Variants in TUT4 observed in about 807,000 individuals in gnomAD.
The protein encoded by TUT4 is terminal uridylyltransferase 4.
TUT4 carries 36 observed loss-of-function variants against 192.2 expected under a neutral mutation model. The ratio of observed to expected loss-of-function variants is 0.19; its 90% CI spans 0.14 to 0.25. The LOEUF (loss-of-function observed/expected upper bound fraction) is 0.25. Ranked by LOEUF, TUT4 falls within the 10% of genes least tolerant of loss-of-function variation. The pLI is 1.00. For missense variants in TUT4, 1,493 were observed against 1,957.2 expected (o/e 0.76, Z 4.47); for synonymous variants, 618 against 666.0 (o/e 0.93, Z 1.11).
intron 28 of TUT4, among the ~76,000 whole-genome samples, chr1:52,429,292 A>T (rs1428249090): frequency 6.6e-6 from 1 of 151,444 alleles, no homozygotes; most frequent in Non-Finnish European, 1.5e-5. Flanking sequence ...TCACCGTGTT[A>T]GCCAGGATGT....
chr1:52,476,031 G>A (rs1005699690), intron 12 of TUT4, among the ~76,000 whole-genome samples: 8 of 152,086 alleles, frequency 5.3e-5, no homozygotes, highest in African/African-American at 1.9e-4. Context: ...TTTTAGTAGA[G>A]ATGGAGTTTC....
chr1:52,538,290 C>T (rs112516309), intron 1 of TUT4, among the ~76,000 whole-genome samples: 3 of 152,024 alleles, frequency 2.0e-5, no homozygotes, highest in Admixed American at 1.3e-4. Context: ...CTCTATCCAA[C>T]ATCAGCAGAA....
At chr1:52,512,720 A>T (rs1677532928) in intron 3 of TUT4, among the ~76,000 whole-genome samples, 1 of 152,356 alleles carries the variant, frequency 6.6e-6, no homozygotes, top group East Asian at 1.9e-4. Context: ...AAGCTAGAAC[A>T]AAGATTTCTG....
At chr1:52,550,493 T>C (rs952482496) in intron 1 of TUT4, among the ~76,000 whole-genome samples, 3 of 148,730 alleles carry the variant, frequency 2.0e-5, no homozygotes, top group African/African-American at 2.5e-5. Context: ...CAGGTAAGTA[T>C]TGCTTTTTTT....
chr1:52,476,157 T>C (rs1452883563), intron 12 of TUT4, among the ~76,000 whole-genome samples: 1 of 152,042 alleles, frequency 6.6e-6, no homozygotes, highest in African/African-American at 2.4e-5. Flanking sequence ...CAGTGTTTTT[T>C]AATATAGTTA....
intron 4 of TUT4, among the ~76,000 whole-genome samples, chr1:52,507,082 G>T (rs1675801245): frequency 6.6e-6 from 1 of 152,174 alleles, no homozygotes; most frequent in African/African-American, 2.4e-5. Context: ...TGAAGCACGA[G>T]GCTTTCCAGT....
intron 14 of TUT4, among the ~76,000 whole-genome samples, chr1:52,470,087 T>C (rs1329702882): frequency 6.6e-6 from 1 of 152,028 alleles, no homozygotes; most frequent in Non-Finnish European, 1.5e-5. Flanking sequence ...CCACAGCTCC[T>C]TGGACAAATG....
chr1:52,486,914 A>T (rs937946704), intron 9 of TUT4, among the ~76,000 whole-genome samples: 2 of 152,216 alleles, frequency 1.3e-5, no homozygotes, highest in African/African-American at 4.8e-5. Context: ...CAGACTACTT[A>T]TTTTACTGAG....
chr1:52,538,092 C>T (rs531078838), intron 1 of TUT4, among the ~76,000 whole-genome samples: 2 of 151,932 alleles, frequency 1.3e-5, no homozygotes, highest in Admixed American at 6.6e-5. Flanking sequence ...AAAAATTAGC[C>T]GGGTGTGGTG....
At chr1:52,506,657 A>G (rs887710531) in intron 4 of TUT4, among the ~76,000 whole-genome samples, 3 of 152,078 alleles carry the variant, frequency 2.0e-5, no homozygotes, top group Admixed American at 6.5e-5. Flanking sequence ...AGTCCTGTTC[A>G]TATCTTTTTT....
chr1:52,502,300 C>CA (rs1674359636), intron 4 of TUT4, among the ~76,000 whole-genome samples: 1 of 152,150 alleles, frequency 6.6e-6, no homozygotes, highest in Non-Finnish European at 1.5e-5. Flanking sequence ...CACATTTAAA[C>CA]AGTCACCAGT....
intron 24 of TUT4, among the ~76,000 whole-genome samples, chr1:52,440,815 A>G (rs981158029): frequency 3.3e-5 from 5 of 152,196 alleles, no homozygotes; most frequent in Non-Finnish European, 7.3e-5. Context: ...TAATGAGAGA[A>G]AGCAAATTTC....
intron 27 of TUT4, chr1:52,434,931 C>T (rs368485307): frequency 6.6e-6 from 1 of 152,520 alleles, no homozygotes; most frequent in South Asian, 2.1e-4. Flanking sequence ...TAGGTATCCA[C>T]AGGTCAAGCT....
At chr1:52,435,567 T>C in intron 26 of TUT4, 102 bp from the exon 27 acceptor site, 1 of 866,496 alleles carries the variant, frequency 1.2e-6, no homozygotes, top group Non-Finnish European at 1.8e-6. Flanking sequence ...CAAATATCTC[T>C]GCAATTTTAT....
At chr1:52,481,248 G>A (rs1288950875) in intron 11 of TUT4, among the ~76,000 whole-genome samples, 175 bp downstream of exon 11, 2 of 152,114 alleles carry the variant, frequency 1.3e-5, no homozygotes, top group African/African-American at 4.8e-5. Flanking sequence ...AAATTCATTA[G>A]AGAATCTTGG....
intron 2 of TUT4, among the ~76,000 whole-genome samples, chr1:52,524,851 C>G (rs921472327): frequency 6.7e-6 from 1 of 150,338 alleles, no homozygotes. Flanking sequence ...TGAAAATACT[C>G]AGGATAAAGT....
At chr1:52,444,109 G>C (rs1027904847) in intron 24 of TUT4, among the ~76,000 whole-genome samples, 1 of 151,978 alleles carries the variant, frequency 6.6e-6, no homozygotes, top group South Asian at 2.1e-4. Context: ...GGTGTCGGGC[G>C]CCTGTGGTCC....
chr1:52,489,813 A>G (rs1323537845), intron 8 of TUT4, among the ~76,000 whole-genome samples: 1 of 152,218 alleles, frequency 6.6e-6, no homozygotes, highest in Non-Finnish European at 1.5e-5. Context: ...TTTCTAGTTT[A>G]GAAAATAAAT....
At chr1:52,502,609 CTTTT>C (rs919559320) in intron 4 of TUT4, among the ~76,000 whole-genome samples, 11 of 82,124 alleles carry the variant, frequency 1.3e-4, no homozygotes, top group South Asian at 5.0e-4. Flanking sequence ...TCTTAGCCCT[CTTTT>C]TTTTTTTTTT....
Sources: gnomAD v4.1 joint callset for allele counts (sites outside exome capture counted in the v4.1 genomes callset) on GRCh38, gnomAD v4.1.1 for gene constraint, MANE v1.5 for transcripts, NCBI Gene and HGNC (gene_info 2026-07-23, HGNC 2026-07-21) for gene names.